The following POR variants were observed in gnomAD, a reference collection of about 807,000 sequenced individuals.
POR encodes cytochrome p450 oxidoreductase.
Under a neutral mutation model 84.0 loss-of-function variants are expected in POR, and 56 were observed. That is an observed-to-expected ratio of 0.67 (90% CI 0.54 to 0.83). POR has a LOEUF of 0.83. Among genes scored for constraint, POR ranks in the 40% least tolerant of loss-of-function variants. The pLI, the probability that POR is intolerant of heterozygous loss-of-function variation, is 0.00. For synonymous variants in POR, 414 were observed against 400.5 expected, an observed-to-expected ratio of 1.03 and a Z score of -0.40; for missense variants, 938 against 944.3, an observed-to-expected ratio of 0.99 and a Z score of 0.09.
At chr7:75,953,862 T>C in intron 1 of POR, 127 bp from the exon 2 acceptor site, 2 of 710,762 alleles carry the variant, frequency 2.8e-6, no homozygotes, top group Admixed American at 2.9e-5. Context: ...CCCCTTCTCC[T>C]ACCCCGTGCA....
rs558110342 is a variant in POR at position 75,923,264 on chromosome 7, C to A, written c.-5+8085C>A. The A allele has an allele frequency of 1.7e-4, 211 of 1,221,128 alleles. 2 individuals are homozygous for A. In the South Asian group the frequency reaches 2.2e-3, roughly 13 times the overall value. 75.6% of individuals were successfully genotyped at this position (1,221,128 alleles called of 1,614,324 possible). On this transcript the variant is annotated intron_variant, in intron 1 of 15. Coordinates refer to ENST00000461988, the MANE Select transcript of POR (RefSeq NM_000941.3). ...AGCTTGGTGTCTTTTGCTTGGAAGACCTCATTCATGAAATTGCCTTCCCAA... is the reference window on the plus strand; with the variant it reads ...AGCTTGGTGTCTTTTGCTTGGAAGAACTCATTCATGAAATTGCCTTCCCAA...
chr7:75,920,737 T>G (rs141490106), intron 1 of POR, among the ~76,000 whole-genome samples: 3 of 152,188 alleles, frequency 2.0e-5, no homozygotes, highest in African/African-American at 7.2e-5. Context: ...GTTTGCAGGT[T>G]TGGTTAGGAA....
chr7:75,986,841 G>A lies in POR; in HGVS notation c.*360G>A, dbSNP rs1432425629. ...AATAACCTCTGGCCCTTGGAATAAA[G>A]TTCTGTTTTCTGTATTTGCCTGGTA... On this transcript the variant is annotated 3_prime_UTR_variant, in exon 16 of 16. Transcript: ENST00000461988. 3.5e-6 allele frequency: 2 copies of A among 573,846 alleles called. No homozygotes were observed. Among genetic ancestry groups the A allele is most frequent in the Non-Finnish European group, 6.1e-6 (2 of 326,248 alleles). The allele number at this position is 573,846 out of a possible 1,614,324, so 35.5% of individuals were successfully genotyped here.
chr7:75,975,770 G>A (rs1392527038), intron 3 of POR, among the ~76,000 whole-genome samples: 13 of 146,070 alleles, frequency 8.9e-5, no homozygotes, highest in South Asian at 2.1e-4. Context: ...TTATTTTTCC[G>A]TGACTTTTAG....
chr7:75,947,721 C>T (rs949987917), intron 1 of POR, among the ~76,000 whole-genome samples: 4 of 152,106 alleles, frequency 2.6e-5, no homozygotes, highest in East Asian at 3.8e-4. Flanking sequence ...CTGGATTCTG[C>T]GCCAAGGAAG....
chr7:75,986,294 G>T (rs1554559420), intron 15 of POR, 43 bp from the exon 16 acceptor site: 1 of 1,612,696 alleles, frequency 6.2e-7, no homozygotes, highest in Admixed American at 1.7e-5. Context: ...GGCCCTGCCT[G>T]CCACAGTTGG....
rs1015556536 is a variant in POR, at chr7:75,981,116, G to A, written c.585G>A (p.Leu195=). The change falls in exon 6 of 16, where the codon CTG becomes CTA. Residue 195 remains leucine (L), a synonymous_variant. Transcript: ENST00000461988. ...TGGGCAAGTACGTGGACAAGCGGCT[G>A]GAGCAGCTCGGCGCCCAGCGCATCT... is the stretch of plus-strand genomic sequence containing the variant. 2.2e-5 allele frequency: 34 copies of A among 1,562,572 alleles called. No individual in the cohort carries two copies. The highest frequency in any genetic ancestry group is 2.9e-5 in the Non-Finnish European group (33 of 1,154,520).
At chr7:75,948,600 T>A (rs183863735) in intron 1 of POR, among the ~76,000 whole-genome samples, 1 of 152,344 alleles carries the variant, frequency 6.6e-6, no homozygotes, top group Non-Finnish European at 1.5e-5. Context: ...CTGATGGAGT[T>A]GCAGTGTGGT....
At chr7:75,980,221 C>CA in intron 4 of POR, 118 bp from the exon 5 acceptor site, 1 of 1,233,478 alleles carries the variant, frequency 8.1e-7, no homozygotes, top group Admixed American at 2.5e-5. Context: ...CCACGACACT[C>CA]AGACATCCCT....
chr7:75,973,674 C>CT (rs35274225), intron 3 of POR, among the ~76,000 whole-genome samples: 18,808 of 64,530 alleles, frequency 0.29, 7,176 homozygotes, highest in East Asian at 0.34. Context: ...CCAGACCTTG[C>CT]TTTTTTTTTT....
intron 2 of POR, among the ~76,000 whole-genome samples, chr7:75,960,996 G>GC (rs766996349): frequency 5.8e-4 from 88 of 152,260 alleles, no homozygotes; most frequent in Admixed American, 2.2e-3. Flanking sequence ...ACTCTGGGAG[G>GC]CCAAAGCAGG....
intron 1 of POR, chr7:75,922,722 TTGCGCATGTTCAGTAGC>T (rs1806939712): frequency 2.9e-6 from 1 of 348,566 alleles, no homozygotes; most frequent in African/African-American, 2.2e-5. Flanking sequence ...AGTGGTGGGG[TTGCGCATGTTCAGTAGC>T]TGCAACACTA....
At chr7:75,962,834 A>G (rs1296022408) in intron 2 of POR, among the ~76,000 whole-genome samples, 1 of 152,214 alleles carries the variant, frequency 6.6e-6, no homozygotes. Context: ...AAATGGAATG[A>G]TAGCACCGTG....
chr7:75,935,734 C>T (rs1807645932), intron 1 of POR, among the ~76,000 whole-genome samples: 1 of 151,344 alleles, frequency 6.6e-6, no homozygotes, highest in South Asian at 2.1e-4. Context: ...CACCAGGCAT[C>T]ATCACCAATC....
chr7:75,935,165 C>T (rs1012307499), intron 1 of POR, among the ~76,000 whole-genome samples: 3 of 152,288 alleles, frequency 2.0e-5, no homozygotes, highest in Non-Finnish European at 2.9e-5. Context: ...GCCCACCCTT[C>T]GCACCAGCAC....
chr7:75,926,527 G>A (rs1457791926), intron 1 of POR, among the ~76,000 whole-genome samples: 1 of 152,144 alleles, frequency 6.6e-6, no homozygotes, highest in East Asian at 1.9e-4. Flanking sequence ...CAGGTGTGGT[G>A]GCTCACACCT....
intron 10 of POR, 104 bp from the exon 11 acceptor site, chr7:75,984,673 C>G: frequency 2.0e-6 from 2 of 1,010,178 alleles, no homozygotes; most frequent in Middle Eastern, 2.2e-4. Flanking sequence ...GCTGGGGCAC[C>G]TGTTGCCGCA....
intron 12 of POR, 136 bp downstream of exon 12, chr7:75,985,343 G>T: frequency 1.6e-6 from 2 of 1,238,756 alleles, no homozygotes; most frequent in South Asian, 3.2e-5. Context: ...AGCTCCAAAT[G>T]CCTCCCCAGG....
intron 3 of POR, among the ~76,000 whole-genome samples, chr7:75,979,185 G>T (rs550840693): frequency 6.6e-6 from 1 of 152,316 alleles, no homozygotes; most frequent in East Asian, 1.9e-4. Context: ...TTTTAACTTT[G>T]TTTTTTCCCC....
Sources: gnomAD v4.1 joint callset for allele counts (sites outside exome capture counted in the v4.1 genomes callset) on GRCh38, gnomAD v4.1.1 for gene constraint, MANE v1.5 for transcripts, NCBI Gene and HGNC (gene_info 2026-07-23, HGNC 2026-07-21) for gene names.